Variants in LPXN observed in about 807,000 individuals in gnomAD.
LPXN encodes leupaxin.
Under a neutral mutation model 45.6 loss-of-function variants are expected in LPXN, and 28 were observed. That is an observed-to-expected ratio of 0.61 (90% confidence interval 0.45 to 0.84). The LOEUF (loss-of-function observed/expected upper bound fraction) is 0.84. Ranked by LOEUF, LPXN falls within the 40% of genes least tolerant of loss-of-function variation. The pLI is 0.00. For missense variants in LPXN, 459 were observed against 475.0 expected (o/e 0.97, Z 0.31); for synonymous variants, 166 against 169.9 (o/e 0.98, Z 0.18).
At chr11:58,556,139 G>C (rs1312891364) in intron 3 of LPXN, among the ~76,000 whole-genome samples, 1 of 151,938 alleles carries the variant, frequency 6.6e-6, no homozygotes, top group Non-Finnish European at 1.5e-5. Flanking sequence ...AATAAAATCA[G>C]TTGAAATGTG....
upstream of LPXN, chr11:58,578,309 C>A (rs1012753023): frequency 9.6e-5 from 33 of 345,476 alleles, 1 homozygote; most frequent in Admixed American, 1.5e-3. Context: ...CCTTTCCCGT[C>A]GTGACTCAGT....
At chr11:58,555,788 A>G (rs906530130) in intron 3 of LPXN, among the ~76,000 whole-genome samples, 7 of 149,420 alleles carry the variant, frequency 4.7e-5, no homozygotes, top group African/African-American at 1.7e-4. Context: ...ACACACACAC[A>G]CACGCCTTTG....
intron 7 of LPXN, among the ~76,000 whole-genome samples, chr11:58,534,625 G>C (rs7127636): frequency 0.026 from 4,027 of 152,122 alleles, 180 homozygotes; most frequent in African/African-American, 0.092. Context: ...AGAGAAGCAA[G>C]AGCAAACAAA....
At position 58,533,482 on chromosome 11, in the gene LPXN, ACTACCACCAGGCCTGCCTTACAAGAG is replaced by A. The variant is rs1304459635; in HGVS notation, c.743-5317_743-5292del. On this transcript the variant is annotated intron_variant, in intron 7 of 8. Transcript: ENST00000395074. ...AGACAAGCAAATGCTGAGAGACTTT[ACTACCACCAGGCCTGCCTTACAAGAG>A]CTCCTGAAGGAAGCACTAAACACAG... Among the ~76,000 whole-genome samples, 32 of 152,238 alleles carry A rather than the reference ACTACCACCAGGCCTGCCTTACAAGAG, an allele frequency of 2.1e-4. 1 individual carries two copies. Among genetic ancestry groups the A allele is most frequent in the Admixed American group, 1.9e-3 (29 of 15,286 alleles).
upstream of LPXN, among the ~76,000 whole-genome samples, chr11:58,576,589 A>T (rs577922916): frequency 6.6e-6 from 1 of 152,366 alleles, no homozygotes; most frequent in Admixed American, 6.5e-5. Context: ...AACATTTACA[A>T]AAGGCCTACT....
Position 58,549,773 on chromosome 11 carries a change from A to G in LPXN, c.742+13T>C. On this transcript the variant is annotated intron_variant, in intron 7 of 8. Coordinates refer to ENST00000395074, the MANE Select transcript of LPXN (RefSeq NM_004811.3). ...CTGGGGTGTGGGATACAGCCTCTCA[A>G]GTCGGGTCATACCTTCTGCACCAAA... 6.2e-7 allele frequency: 1 copy of G among 1,613,544 alleles called. No homozygotes were observed. Among genetic ancestry groups the G allele is most frequent in the Non-Finnish European group, 8.5e-7 (1 of 1,179,590 alleles).
chr11:58,561,699 A>T (rs1426364052), intron 3 of LPXN, among the ~76,000 whole-genome samples: 1 of 152,244 alleles, frequency 6.6e-6, no homozygotes, highest in South Asian at 2.1e-4. Flanking sequence ...GTATATTCCT[A>T]AAAAACCTTC....
intron 7 of LPXN, among the ~76,000 whole-genome samples, chr11:58,538,123 C>A (rs1015892727): frequency 1.3e-5 from 2 of 151,858 alleles, no homozygotes; most frequent in African/African-American, 4.8e-5. Flanking sequence ...TATGGCTGCA[C>A]AGTATTCCAT....
chr11:58,555,791 C>T (rs1010856022), intron 3 of LPXN, among the ~76,000 whole-genome samples: 5 of 149,918 alleles, frequency 3.3e-5, no homozygotes, highest in African/African-American at 4.9e-5. Context: ...CACACACACA[C>T]GCCTTTGGGA....
upstream of LPXN, chr11:58,578,031 TC>T: frequency 9.7e-6 from 15 of 1,549,716 alleles, no homozygotes; most frequent in Non-Finnish European, 1.3e-5. Context: ...GAAGACGAGA[TC>T]AATAATGTAG....
At chr11:58,539,699 A>G (rs1853657539) in intron 7 of LPXN, among the ~76,000 whole-genome samples, 1 of 152,204 alleles carries the variant, frequency 6.6e-6, no homozygotes, top group South Asian at 2.1e-4. Flanking sequence ...TCCACTGGAT[A>G]TTGTTAATGA....
At position 58,569,816 on chromosome 11, in the gene LPXN, C is replaced by G. The variant is rs190867388; in HGVS notation, c.171+740G>C. Among the ~76,000 whole-genome samples, 38 of 152,238 alleles carry G rather than the reference C, an allele frequency of 2.5e-4. 1 individual carries two copies. In the East Asian group the frequency reaches 6.6e-3, roughly 26 times the overall value. On this transcript the variant is annotated intron_variant, in intron 2 of 8. Transcript: ENST00000395074. ...TAATCTATTCAGCAGAAAATAAGAC[C>G]TGGGAAGTAGTGACCCTAAAAAGTC... is the stretch of plus-strand genomic sequence containing the variant.
At chr11:58,532,910 A>C (rs1336036151) in intron 7 of LPXN, among the ~76,000 whole-genome samples, 1 of 152,188 alleles carries the variant, frequency 6.6e-6, no homozygotes, top group African/African-American at 2.4e-5. Context: ...TATGAGCTGT[A>C]ACACTCACCG....
At chr11:58,568,061 C>T (rs1412870067) in intron 2 of LPXN, among the ~76,000 whole-genome samples, 1 of 152,174 alleles carries the variant, frequency 6.6e-6, no homozygotes, top group African/African-American at 2.4e-5. Flanking sequence ...ATCTCACAGG[C>T]CACCCACCAC....
At chr11:58,529,980 C>T (rs1590748605) in intron 7 of LPXN, among the ~76,000 whole-genome samples, 2 of 152,158 alleles carry the variant, frequency 1.3e-5, no homozygotes, top group African/African-American at 4.8e-5. Context: ...AGAAACTGTG[C>T]CGTGAGGAAC....
At chr11:58,557,175 C>G (rs1854229291) in intron 3 of LPXN, among the ~76,000 whole-genome samples, 1 of 152,170 alleles carries the variant, frequency 6.6e-6, no homozygotes, top group Admixed American at 6.5e-5. Flanking sequence ...CCACATGACA[C>G]AGGAATCCTT....
chr11:58,548,321 G>C (rs1473666088), intron 7 of LPXN, among the ~76,000 whole-genome samples: 1 of 151,796 alleles, frequency 6.6e-6, no homozygotes, highest in Non-Finnish European at 1.5e-5. Flanking sequence ...CTAATAAAAG[G>C]AATTTCCAAG....
At chr11:58,544,861 C>T (rs1448690604) in intron 7 of LPXN, among the ~76,000 whole-genome samples, 51 of 152,258 alleles carry the variant, frequency 3.3e-4, no homozygotes, top group Non-Finnish European at 7.4e-5. Context: ...CATTGAAGAG[C>T]TCATCCCTGT....
upstream of LPXN, among the ~76,000 whole-genome samples, chr11:58,577,421 C>T (rs965243575): frequency 6.6e-6 from 1 of 152,208 alleles, no homozygotes; most frequent in African/African-American, 2.4e-5. Flanking sequence ...TACAGTTTAA[C>T]TGAATGATTA....
Sources: gnomAD v4.1 joint callset for allele counts (sites outside exome capture counted in the v4.1 genomes callset) on GRCh38, gnomAD v4.1.1 for gene constraint, MANE v1.5 for transcripts, NCBI Gene and HGNC (gene_info 2026-07-23, HGNC 2026-07-21) for gene names.